The following AGAP1 variants were observed in gnomAD, a reference collection of about 807,000 sequenced individuals.
The protein encoded by AGAP1 is ArfGAP with GTPase domain, ankyrin repeat and PH domain 1, also known as arf-GAP with GTPase, ANK repeat and PH domain-containing protein 1.
In AGAP1, 29 loss-of-function variants were observed where a neutral mutation model predicts 105.3. The observed-to-expected ratio is 0.28, with a 90% CI of 0.21 to 0.38. The LOEUF is 0.38. Among genes scored for constraint, AGAP1 ranks in the 10% least tolerant of loss-of-function variants. The probability of loss-of-function intolerance (pLI) is 1.00; values close to 1 mark genes in which losing one functional copy is unlikely to be tolerated. For missense variants in AGAP1, 998 were observed against 1,165.1 expected, an observed-to-expected ratio of 0.86 and a Z score of 2.09; for synonymous variants, 509 against 485.9, an observed-to-expected ratio of 1.05 and a Z score of -0.63.
In AGAP1 at chr2:235,989,572, G is replaced by A. The variant is rs1403592136; in HGVS notation, c.1645+20949G>A. The stretch of plus-strand genomic sequence containing the variant: ...CTGAGGGGCTGCCTGCGTGCAAGGA[G>A]GACATGAGGCCACATACAAAGCTTA... On this transcript the variant is annotated intron_variant, in intron 13 of 17. Transcript: ENST00000304032. The surrounding 1 kb of genome is among the most constrained non-coding windows in gnomAD (Gnocchi z 4.4). 6.6e-6 allele frequency among the ~76,000 whole-genome samples: 1 copy of A among 152,144 alleles called. No homozygotes were observed. The highest frequency in any genetic ancestry group is 1.5e-5 in the Non-Finnish European group (1 of 68,016).
At chr2:235,634,503 G>C (rs1255347691) in intron 1 of AGAP1, among the ~76,000 whole-genome samples, 1 of 152,174 alleles carries the variant, frequency 6.6e-6, no homozygotes, top group Non-Finnish European at 1.5e-5. Flanking sequence ...CCAAGTTTTT[G>C]TGTCAAAATG....
chr2:235,778,292 A>C (rs1047970281), intron 6 of AGAP1, among the ~76,000 whole-genome samples: 11 of 152,142 alleles, frequency 7.2e-5, no homozygotes, highest in African/African-American at 1.9e-4. Context: ...TTCCTTCTGC[A>C]CTTTCCACTT....
rs901588294 is a variant in AGAP1, at chr2:236,001,529, G to C, written c.1645+32906G>C. On this transcript the variant is annotated intron_variant, in intron 13 of 17. Coordinates refer to ENST00000304032, the MANE Select transcript of AGAP1 (RefSeq NM_001037131.3). This position sits in a 1 kb window ranked among gnomAD's most constrained non-coding sequence, Gnocchi z 4.7. ...GTGACAGTGGCTTCCCCAGGCATCA[G>C]CGCCACAGGAGGAGAGACACAGACT... Among the ~76,000 whole-genome samples, 17 of 152,168 alleles carry C rather than the reference G, an allele frequency of 1.1e-4. No homozygotes were observed. Among genetic ancestry groups the C allele is most frequent in the African/African-American group, 3.6e-4 (15 of 41,436 alleles).
chr2:235,678,711 A>T (rs1044374725), intron 1 of AGAP1, among the ~76,000 whole-genome samples: 1 of 151,874 alleles, frequency 6.6e-6, no homozygotes, highest in Non-Finnish European at 1.5e-5. Flanking sequence ...GTTTCTTTGG[A>T]CTGTCCTCCT....
intron 9 of AGAP1, among the ~76,000 whole-genome samples, chr2:235,856,590 G>A (rs992018112): frequency 6.6e-6 from 1 of 152,250 alleles, no homozygotes; most frequent in African/African-American, 2.4e-5. Context: ...GCTCTGTGTG[G>A]ACCATCTGCC....
chr2:235,755,337 C>T (rs1051347816), intron 6 of AGAP1, among the ~76,000 whole-genome samples: 1 of 142,718 alleles, frequency 7.0e-6, no homozygotes, highest in Non-Finnish European at 1.6e-5. Context: ...TTCAAAAGTC[C>T]CTGTTGATTT....
At chr2:235,738,287 C>A (rs1952369284) in intron 3 of AGAP1, among the ~76,000 whole-genome samples, 1 of 152,012 alleles carries the variant, frequency 6.6e-6, no homozygotes, top group Non-Finnish European at 1.5e-5. Context: ...TTGCTGAGCT[C>A]CTCTGTCCCA....
intron 13 of AGAP1, among the ~76,000 whole-genome samples, chr2:235,980,560 G>A (rs2125405195): frequency 6.6e-6 from 1 of 152,318 alleles, no homozygotes; most frequent in African/African-American, 2.4e-5. Context: ...GTCGAGGACA[G>A]GTTCAATTAT....
chr2:236,053,441 C>A lies in AGAP1; in HGVS notation c.2114+4160C>A, dbSNP rs1218150922. Among the ~76,000 whole-genome samples, 1 of 152,232 alleles carries A rather than the reference C, an allele frequency of 6.6e-6. No homozygotes were observed. The highest frequency in any genetic ancestry group is 1.5e-5 in the Non-Finnish European group (1 of 68,048). On this transcript the variant is annotated intron_variant, in intron 16 of 17. Coordinates refer to ENST00000304032, the MANE Select transcript of AGAP1 (RefSeq NM_001037131.3). This position sits in a 1 kb window ranked among gnomAD's most constrained non-coding sequence, Gnocchi z 4.6. ...GTCCACGCACATCCTCTCTCCCTCGCGGTACAGCAGTGTTTCCGGGGCTGC... is the reference window on the plus strand; with the variant it reads ...GTCCACGCACATCCTCTCTCCCTCGAGGTACAGCAGTGTTTCCGGGGCTGC...
intron 13 of AGAP1, among the ~76,000 whole-genome samples, chr2:236,017,536 C>T (rs2056748238): frequency 6.6e-6 from 1 of 152,114 alleles, no homozygotes; most frequent in South Asian, 2.1e-4. Context: ...GAGTGATTTA[C>T]TCAAAGGCAC....
At chr2:235,821,226 G>A (rs1272476642) in intron 9 of AGAP1, among the ~76,000 whole-genome samples, 1 of 152,108 alleles carries the variant, frequency 6.6e-6, no homozygotes, top group Non-Finnish European at 1.5e-5. Flanking sequence ...CCATTAAAAT[G>A]GCCAATTTGA....
At chr2:235,546,127 G>A (rs116788954) in intron 1 of AGAP1, among the ~76,000 whole-genome samples, 1 of 152,180 alleles carries the variant, frequency 6.6e-6, no homozygotes, top group Admixed American at 6.5e-5. Flanking sequence ...TCAAGGATGG[G>A]GGACAGCTGT....
At chr2:236,039,526 G>C (rs748430897) in intron 14 of AGAP1, among the ~76,000 whole-genome samples, 8 of 152,212 alleles carry the variant, frequency 5.3e-5, no homozygotes, top group Non-Finnish European at 5.9e-5. Flanking sequence ...AAATAATCAT[G>C]AGTGTGTACC....
intron 1 of AGAP1, among the ~76,000 whole-genome samples, chr2:235,576,478 G>T (rs1865950): frequency 0.088 from 13,468 of 152,238 alleles, 1,675 homozygotes; most frequent in East Asian, 0.32. Flanking sequence ...GGTGCTTGGG[G>T]AATATCTCCT....
chr2:235,778,730 C>T (rs1956070270), intron 6 of AGAP1, among the ~76,000 whole-genome samples: 3 of 152,220 alleles, frequency 2.0e-5, no homozygotes, highest in African/African-American at 7.2e-5. Flanking sequence ...CAAGGTAGGA[C>T]TCAGCATGGC....
Position 235,976,169 on chromosome 2 carries a change from C to T in AGAP1, c.1645+7546C>T, listed in dbSNP as rs946303396. On this transcript the variant is annotated intron_variant, in intron 13 of 17. Coordinates refer to ENST00000304032, the MANE Select transcript of AGAP1 (RefSeq NM_001037131.3). This position sits in a 1 kb window ranked among gnomAD's most constrained non-coding sequence, Gnocchi z 4.5. ...ACCCTTGGGCTGTCAGTGATGGGAG[C>T]CACCATGCATCCCGACGGACTTGCC... 6.6e-6 allele frequency among the ~76,000 whole-genome samples: 1 copy of T among 152,126 alleles called. No individual in the cohort carries two copies. Among genetic ancestry groups the T allele is most frequent in the African/African-American group, 2.4e-5 (1 of 41,418 alleles).
At chr2:235,840,673 G>C (rs1184879364) in intron 9 of AGAP1, among the ~76,000 whole-genome samples, 1 of 152,172 alleles carries the variant, frequency 6.6e-6, no homozygotes, top group East Asian at 1.9e-4. Context: ...TGCAGGAATG[G>C]AAAGGAGAAG....
intron 1 of AGAP1, among the ~76,000 whole-genome samples, chr2:235,686,342 C>G (rs1014293294): frequency 6.6e-6 from 1 of 151,828 alleles, no homozygotes; most frequent in African/African-American, 2.4e-5. Flanking sequence ...AGAATTTGTT[C>G]AGGAGATTAT....
rs1559711500 is a variant in AGAP1, at chr2:235,971,775, T to TGA, written c.1645+3152_1645+3153insGA. 1.9e-3 allele frequency among the ~76,000 whole-genome samples: 291 copies of TGA among 150,136 alleles called. 1 individual carries two copies. The highest frequency in any genetic ancestry group is 6.9e-3 in the African/African-American group (284 of 41,124). ...TTTATTTATTTATTTATTTATTTAT[T>TGA]TATTTATTTATTGTATTTTTTGAGA... On this transcript the variant is annotated intron_variant, in intron 13 of 17. Coordinates refer to ENST00000304032, the MANE Select transcript of AGAP1 (RefSeq NM_001037131.3). The surrounding 1 kb of genome is among the most constrained non-coding windows in gnomAD (Gnocchi z 4.8).
Sources: gnomAD v4.1 joint callset for allele counts (sites outside exome capture counted in the v4.1 genomes callset) on GRCh38, gnomAD v4.1.1 for gene constraint, Gnocchi (gnomAD v3.1) non-coding constraint, MANE v1.5 for transcripts, NCBI Gene and HGNC (gene_info 2026-07-23, HGNC 2026-07-21) for gene names.